SYN3: variants seen among roughly 807,000 people sequenced by gnomAD.
SYN3 encodes the protein synapsin-3.
In SYN3, 35 loss-of-function variants were observed where a neutral mutation model predicts 65.8. The observed-to-expected ratio is 0.53, with a 90% confidence interval of 0.41 to 0.70. The LOEUF (loss-of-function observed/expected upper bound fraction) is 0.70. Among genes scored for constraint, SYN3 ranks in the 30% least tolerant of loss-of-function variants. The pLI, the probability that SYN3 is intolerant of heterozygous loss-of-function variation, is 0.00. For missense variants in SYN3, 680 were observed against 749.0 expected, an observed-to-expected ratio of 0.91 and a Z score of 1.08; for synonymous variants, 270 against 292.9, an observed-to-expected ratio of 0.92 and a Z score of 0.80.
chr22:32,537,974 G>T, intron 9 of SYN3, 62 bp downstream of exon 9: 1 of 1,494,380 alleles, frequency 6.7e-7, no homozygotes, highest in Non-Finnish European at 9.3e-7. Context: ...GCCTTTTGTT[G>T]CATTCCCCCT....
rs148324316 is a variant in SYN3 at position 32,576,864 on chromosome 22, G to A, written c.774+19810C>T. ...TGCCAGGACGCCTTTTTTCCCTTAT[G>A]AATCTGACCATGCCTATTCTTTGCT... On this transcript the variant is annotated intron_variant, in intron 7 of 13. Coordinates refer to ENST00000358763, the MANE Select transcript of SYN3 (RefSeq NM_003490.4). 1.3e-3 allele frequency among the ~76,000 whole-genome samples: 183 copies of A among 143,596 alleles called. 3 individuals are homozygous for A. In the East Asian group the frequency reaches 0.024, roughly 19 times the overall value. 94.2% of individuals were successfully genotyped at this position (143,596 alleles called of 152,430 possible).
At chr22:32,673,773 T>C (rs957266969) in intron 6 of SYN3, among the ~76,000 whole-genome samples, 3 of 151,850 alleles carry the variant, frequency 2.0e-5, no homozygotes, top group African/African-American at 7.3e-5. Flanking sequence ...GTTCCAAGAG[T>C]TCAATACAGC....
At chr22:32,651,589 A>AAC (rs1569126139) in intron 6 of SYN3, among the ~76,000 whole-genome samples, 1 of 115,148 alleles carries the variant, frequency 8.7e-6, no homozygotes, top group African/African-American at 3.0e-5. Context: ...AATGAATGAA[A>AAC]AGGCTTTAAA....
chr22:32,880,150 C>A (rs576449368), intron 4 of SYN3, among the ~76,000 whole-genome samples: 1 of 152,312 alleles, frequency 6.6e-6, no homozygotes, highest in African/African-American at 2.4e-5. Flanking sequence ...GTAAGAATCA[C>A]GATTACTCAT....
chr22:32,615,757 C>T (rs1569093825), intron 6 of SYN3, among the ~76,000 whole-genome samples: 2 of 152,302 alleles, frequency 1.3e-5, no homozygotes, highest in East Asian at 3.9e-4. Flanking sequence ...CCGCTTTTTC[C>T]CACCTGTCTG....
At chr22:32,908,830 T>C (rs1380131984) in intron 4 of SYN3, among the ~76,000 whole-genome samples, 2 of 152,118 alleles carry the variant, frequency 1.3e-5, no homozygotes, top group African/African-American at 4.8e-5. Flanking sequence ...ATTGAGACAC[T>C]CTAACTAACT....
intron 1 of SYN3, among the ~76,000 whole-genome samples, chr22:33,034,134 C>T (rs577471461): frequency 5.9e-4 from 87 of 148,532 alleles, no homozygotes; most frequent in African/African-American, 2.0e-3. Flanking sequence ...TGCAGTGAGT[C>T]GAGATTGTGC....
chr22:32,627,953 C>T (rs537425418), intron 6 of SYN3, among the ~76,000 whole-genome samples: 26 of 152,202 alleles, frequency 1.7e-4, no homozygotes, highest in Non-Finnish European at 2.4e-4. Flanking sequence ...CTCAGCCTCC[C>T]GAGTAGCTGG....
At chr22:32,946,884 G>A (rs1229979969) in intron 3 of SYN3, among the ~76,000 whole-genome samples, 1 of 152,144 alleles carries the variant, frequency 6.6e-6, no homozygotes, top group Non-Finnish European at 1.5e-5. Context: ...GTCTCTAGAT[G>A]AGGGCTATAT....
intron 2 of SYN3, among the ~76,000 whole-genome samples, chr22:33,000,828 G>C (rs5754370): frequency 6.6e-6 from 1 of 152,232 alleles, no homozygotes; most frequent in African/African-American, 2.4e-5. Flanking sequence ...GGCTGGCCCA[G>C]AGGCACCAGA....
At position 32,555,952 on chromosome 22, in the gene SYN3, C is replaced by T. The variant is rs181820804; in HGVS notation, c.775-14239G>A. Among the ~76,000 whole-genome samples, 320 of 152,226 alleles carry T rather than the reference C, an allele frequency of 2.1e-3. 1 individual carries two copies. The highest frequency in any genetic ancestry group is 3.7e-3 in the Non-Finnish European group (254 of 68,030). On this transcript the variant is annotated intron_variant, in intron 7 of 13. Transcript: ENST00000358763. ...AGGATTAAGTACAAGTTCTGTGTGA[C>T]GAATATTAATACCAGGTCATGCTCA...
chr22:32,596,064 G>A (rs916970533), intron 7 of SYN3, among the ~76,000 whole-genome samples: 9 of 152,048 alleles, frequency 5.9e-5, no homozygotes, highest in South Asian at 2.1e-4. Flanking sequence ...GTGACAGAGC[G>A]AGGCTCTGTC....
intron 7 of SYN3, among the ~76,000 whole-genome samples, chr22:32,584,480 A>T (rs1050767677): frequency 6.6e-6 from 1 of 152,190 alleles, no homozygotes; most frequent in Admixed American, 6.5e-5. Context: ...CCTTTGTTAG[A>T]TGCAGTGTCA....
intron 3 of SYN3, among the ~76,000 whole-genome samples, chr22:32,969,963 T>C (rs540498243): frequency 1.3e-5 from 2 of 152,224 alleles, no homozygotes; most frequent in African/African-American, 2.4e-5. Context: ...AAGCTTTTTA[T>C]ATTTTTTATC....
intron 9 of SYN3, among the ~76,000 whole-genome samples, chr22:32,536,506 T>C (rs542003678): frequency 7.9e-5 from 12 of 152,330 alleles, no homozygotes; most frequent in African/African-American, 2.9e-4. Flanking sequence ...CAGTCTTTGT[T>C]GCTGTAGGGG....
At chr22:32,631,292 T>C (rs373578810) in intron 6 of SYN3, among the ~76,000 whole-genome samples, 1 of 130,242 alleles carries the variant, frequency 7.7e-6, no homozygotes, top group East Asian at 2.3e-4. Flanking sequence ...CGAAACTCCA[T>C]CTCAAAACGA....
At chr22:32,782,911 T>C (rs1162365025) in intron 6 of SYN3, among the ~76,000 whole-genome samples, 1 of 151,174 alleles carries the variant, frequency 6.6e-6, no homozygotes, top group Non-Finnish European at 1.5e-5. Context: ...AATTCTCTAT[T>C]GAGAAGGAGC....
chr22:32,667,560 G>C (rs1799338378), intron 6 of SYN3, among the ~76,000 whole-genome samples: 1 of 152,164 alleles, frequency 6.6e-6, no homozygotes, highest in African/African-American at 2.4e-5. Context: ...GTTCCTTAAA[G>C]TGGGTTGCTG....
intron 4 of SYN3, 91 bp from the exon 5 acceptor site, chr22:32,869,216 C>T: frequency 6.9e-7 from 1 of 1,444,610 alleles, no homozygotes; most frequent in Non-Finnish European, 9.5e-7. Context: ...ATAGCACTGA[C>T]TTGCAGGGCG....
Sources: gnomAD v4.1 joint callset for allele counts (sites outside exome capture counted in the v4.1 genomes callset) on GRCh38, gnomAD v4.1.1 for gene constraint, MANE v1.5 for transcripts, NCBI Gene and HGNC (gene_info 2026-07-23, HGNC 2026-07-21) for gene names.